The following CDYL variants were observed in gnomAD, a reference collection of about 807,000 sequenced individuals.
CDYL encodes the protein chromodomain Y-like protein.
CDYL carries 8 observed loss-of-function variants against 47.3 expected under a neutral mutation model. That is an observed-to-expected ratio of 0.17 (90% CI 0.10 to 0.31). CDYL has a LOEUF of 0.31. Among genes scored for constraint, CDYL ranks in the 10% least tolerant of loss-of-function variants. CDYL has a pLI of 1.00. For synonymous variants in CDYL, 266 were observed against 265.0 expected, an observed-to-expected ratio of 1.00 and a Z score of -0.04; for missense variants, 471 against 701.4, an observed-to-expected ratio of 0.67 and a Z score of 3.71.
rs1581300356 is a variant in CDYL at position 4,954,364 on chromosome 6, AGTACT to A, written c.*312_*316del. On this transcript the variant is annotated 3_prime_UTR_variant, in exon 7 of 7. Transcript: ENST00000397588. ...GCTCTAATTTTTGTTTTCTTTGGCT[AGTACT>A]GTATAAAAAACAGAATTGTGTTTTA... 1 of 185,784 alleles carries A rather than the reference AGTACT, an allele frequency of 5.4e-6. No individual in the cohort carries two copies. The highest frequency in any genetic ancestry group is 1.3e-4 in the East Asian group (1 of 7,588). 11.5% of individuals were successfully genotyped at this position (185,784 alleles called of 1,614,324 possible). A position where few individuals can be genotyped will look rare whatever the true frequency, so the allele number is the denominator to read the frequency against.
At position 4,886,380 on chromosome 6, in the gene CDYL, C is replaced by T. The variant is rs111964399; in HGVS notation, c.25-5333C>T. 5.6e-3 allele frequency among the ~76,000 whole-genome samples: 846 copies of T among 152,302 alleles called. 7 individuals carry two copies. Among genetic ancestry groups the T allele is most frequent in the African/African-American group, 0.02 (812 of 41,558 alleles). On this transcript the variant is annotated intron_variant, in intron 1 of 6. Coordinates refer to ENST00000397588, the MANE Select transcript of CDYL (RefSeq NM_004824.4). ...ACATGACAGTTCCCATTCCTTTCCACCCTCACCACTACTTACCCTTTTTAT... is the reference window on the plus strand; with the variant it reads ...ACATGACAGTTCCCATTCCTTTCCATCCTCACCACTACTTACCCTTTTTAT...
chr6:4,833,974 T>C (rs936350869), intron 1 of CDYL, among the ~76,000 whole-genome samples: 11 of 151,438 alleles, frequency 7.3e-5, no homozygotes, highest in East Asian at 1.9e-4. Flanking sequence ...TGTCTCTGCA[T>C]GTGAGATGGG....
intron 1 of CDYL, among the ~76,000 whole-genome samples, chr6:4,890,297 A>G (rs1762007100): frequency 6.6e-6 from 1 of 152,198 alleles, no homozygotes. Context: ...CTCATACACA[A>G]CTATTCACAA....
rs1561697531 is a variant in CDYL, at chr6:4,900,795, A to ATC, written c.691+8417_691+8418insCT. Among the ~76,000 whole-genome samples, 33 of 60,008 alleles carry ATC rather than the reference A, an allele frequency of 5.5e-4. 6 individuals carry two copies. Among genetic ancestry groups the ATC allele is most frequent in the African/African-American group, 1.7e-3 (24 of 14,058 alleles). The allele number at this position is 60,008 out of a possible 152,430, so 39.4% of individuals were successfully genotyped here. On this transcript the variant is annotated intron_variant, in intron 2 of 6. Transcript: ENST00000397588. ...TATACGTGTGTATATATATATATAT[A>ATC]TATATATATATATATATATATATAT...
chr6:4,871,496 G>T (rs537547276), intron 1 of CDYL, among the ~76,000 whole-genome samples: 1 of 152,264 alleles, frequency 6.6e-6, no homozygotes, highest in South Asian at 2.1e-4. Flanking sequence ...AATAAATATT[G>T]CTATAATGGA....
chr6:4,936,965 G>C (rs146691471), intron 3 of CDYL, among the ~76,000 whole-genome samples: 6 of 152,290 alleles, frequency 3.9e-5, no homozygotes, highest in African/African-American at 1.4e-4. Context: ...TCTGGTTACA[G>C]AAAATGAGAC....
chr6:4,753,523 G>C (rs1247413410), intron 3 of CDYL, among the ~76,000 whole-genome samples: 8 of 152,144 alleles, frequency 5.3e-5, no homozygotes, highest in African/African-American at 1.9e-4. Context: ...CCACTCTGCT[G>C]GATATCCTAA....
At chr6:4,804,036 G>A (rs903852864) in intron 1 of CDYL, among the ~76,000 whole-genome samples, 3 of 145,312 alleles carry the variant, frequency 2.1e-5, no homozygotes, top group Non-Finnish European at 4.5e-5. Flanking sequence ...TTTGTTTGCC[G>A]TGCATGTTTT....
intron 1 of CDYL, among the ~76,000 whole-genome samples, chr6:4,886,227 G>A (rs1047465293): frequency 2.6e-5 from 4 of 152,114 alleles, no homozygotes; most frequent in African/African-American, 9.7e-5. Context: ...GTTTTGGTGG[G>A]GACAGGTTTT....
chr6:4,810,546 G>T (rs1759498451), intron 1 of CDYL, among the ~76,000 whole-genome samples: 1 of 151,934 alleles, frequency 6.6e-6, no homozygotes, highest in Admixed American at 6.6e-5. Context: ...AATCTTTTTT[G>T]TTTTAGTATA....
intron 1 of CDYL, among the ~76,000 whole-genome samples, chr6:4,828,209 G>C (rs145096760): frequency 8.3e-5 from 12 of 144,844 alleles, no homozygotes; most frequent in African/African-American, 3.1e-4. Context: ...ACGTTAGTTT[G>C]CTGGATATAG....
At chr6:4,771,877 T>G (rs1758343181), upstream of CDYL, among the ~76,000 whole-genome samples, 1 of 152,244 alleles carries the variant, frequency 6.6e-6, no homozygotes, top group African/African-American at 2.4e-5. Context: ...TGCCTTGGCA[T>G]AAAGTCAACC....
intron 1 of CDYL, among the ~76,000 whole-genome samples, chr6:4,867,113 A>C (rs1243123393): frequency 6.6e-6 from 1 of 152,008 alleles, no homozygotes; most frequent in Non-Finnish European, 1.5e-5. Flanking sequence ...TTTTTTGTTC[A>C]TTTGTTTTAA....
intron 1 of CDYL, among the ~76,000 whole-genome samples, chr6:4,885,457 G>T (rs1019652723): frequency 2.0e-5 from 3 of 152,166 alleles, no homozygotes; most frequent in African/African-American, 4.8e-5. Flanking sequence ...GTTATCAGAT[G>T]GATCAGAGTG....
intron 1 of CDYL, among the ~76,000 whole-genome samples, chr6:4,846,622 C>T (rs770073610): frequency 6.6e-6 from 1 of 152,080 alleles, no homozygotes; most frequent in Non-Finnish European, 1.5e-5. Flanking sequence ...TCAGAGTTAA[C>T]AACACATTGA....
At chr6:4,830,081 C>G (rs1760092687) in intron 1 of CDYL, among the ~76,000 whole-genome samples, 4 of 151,926 alleles carry the variant, frequency 2.6e-5, no homozygotes, top group Admixed American at 2.6e-4. Context: ...CCTACTCTAC[C>G]AAGTCTGCCC....
At chr6:4,716,717 C>T (rs7770715) in intron 2 of CDYL, among the ~76,000 whole-genome samples, 37,686 of 151,208 alleles carry the variant, frequency 0.25, 4,991 homozygotes, top group African/African-American at 0.32. Context: ...CTAGATACCA[C>T]GAGAGCTAGC....
chr6:4,789,733 G>T (rs1450508457), intron 1 of CDYL, among the ~76,000 whole-genome samples: 1 of 152,070 alleles, frequency 6.6e-6, no homozygotes, highest in African/African-American at 2.4e-5. Context: ...CCTGCCTTTG[G>T]CCCTATCTGG....
intron 1 of CDYL, among the ~76,000 whole-genome samples, chr6:4,708,017 T>C (rs1318817232): frequency 6.6e-6 from 1 of 152,172 alleles, no homozygotes; most frequent in Admixed American, 6.5e-5. Flanking sequence ...GCATTGTAGT[T>C]GGAAAACATT....
Sources: gnomAD v4.1 joint callset for allele counts (sites outside exome capture counted in the v4.1 genomes callset) on GRCh38, gnomAD v4.1.1 for gene constraint, MANE v1.5 for transcripts, NCBI Gene and HGNC (gene_info 2026-07-23, HGNC 2026-07-21) for gene names.